Variants in GTF2IRD2B observed in about 807,000 individuals in gnomAD.
The protein encoded by GTF2IRD2B is general transcription factor II-I repeat domain-containing protein 2B.
Under a neutral mutation model 55.6 loss-of-function variants are expected in GTF2IRD2B, and 10 were observed. That is an observed-to-expected ratio of 0.18 (90% CI 0.11 to 0.31). The LOEUF (loss-of-function observed/expected upper bound fraction) is 0.31. Among genes scored for constraint, GTF2IRD2B ranks in the 10% least tolerant of loss-of-function variants. GTF2IRD2B has a pLI of 1.00. For synonymous variants in GTF2IRD2B, 107 were observed against 320.5 expected, an observed-to-expected ratio of 0.33 and a Z score of 7.12; for missense variants, 206 against 802.7, an observed-to-expected ratio of 0.26 and a Z score of 8.98.
intron 8 of GTF2IRD2B, among the ~76,000 whole-genome samples, chr7:75,130,608 G>A (rs1248493335): frequency 7.3e-5 from 11 of 151,556 alleles, no homozygotes; most frequent in Admixed American, 5.9e-4. Context: ...CTTCTGAGTA[G>A]CTGGGATTAC....
chr7:75,123,615 C>T, intron 6 of GTF2IRD2B, 99 bp downstream of exon 6: 1 of 557,816 alleles, frequency 1.8e-6, no homozygotes, highest in East Asian at 3.3e-5. Context: ...ATGGCTCACA[C>T]CTGTAATCCC....
intron 1 of GTF2IRD2B, among the ~76,000 whole-genome samples, chr7:75,107,076 G>T (rs1326209596): frequency 2.6e-5 from 4 of 151,868 alleles, no homozygotes; most frequent in African/African-American, 9.6e-5. Context: ...TCCTTTCTAT[G>T]TGTAAGTGAA....
intron 1 of GTF2IRD2B, among the ~76,000 whole-genome samples, chr7:75,106,035 C>A (rs1807791864): frequency 6.6e-6 from 1 of 152,312 alleles, no homozygotes; most frequent in Non-Finnish European, 1.5e-5. Context: ...AGAAATCAAA[C>A]CACATGATCT....
intron 12 of GTF2IRD2B, among the ~76,000 whole-genome samples, chr7:75,139,699 G>A (rs1808959636): frequency 1.0e-5 from 1 of 99,476 alleles, no homozygotes; most frequent in African/African-American, 5.1e-5. Context: ...AAATATATCT[G>A]GAAAGATACA....
intron 1 of GTF2IRD2B, among the ~76,000 whole-genome samples, chr7:75,096,626 A>G (rs1807387857): frequency 7.8e-6 from 1 of 127,602 alleles, no homozygotes; most frequent in Non-Finnish European, 1.6e-5. Flanking sequence ...GGGTTTCACC[A>G]TGTTGGCCAG....
chr7:75,105,328 A>G (rs1807752890), intron 1 of GTF2IRD2B, among the ~76,000 whole-genome samples: 1 of 152,306 alleles, frequency 6.6e-6, no homozygotes. Context: ...ACATGGTGTA[A>G]CCCCGTCTCC....
chr7:75,106,272 G>A (rs1314753320), intron 1 of GTF2IRD2B, among the ~76,000 whole-genome samples: 24 of 152,380 alleles, frequency 1.6e-4, no homozygotes, highest in African/African-American at 4.3e-4. Flanking sequence ...GCATGGTGGC[G>A]CCTGCCTGTA....
At chr7:75,104,708 G>A (rs1480941504) in intron 1 of GTF2IRD2B, among the ~76,000 whole-genome samples, 13 of 152,388 alleles carry the variant, frequency 8.5e-5, no homozygotes, top group East Asian at 3.8e-4. Flanking sequence ...CGTCTTTGCC[G>A]TTACATATTC....
chr7:75,137,262 T>G (rs1450048179), intron 11 of GTF2IRD2B, among the ~76,000 whole-genome samples: 1 of 150,678 alleles, frequency 6.6e-6, no homozygotes. Context: ...GTATAATGTG[T>G]ATATATAATA....
chr7:75,103,664 A>G (rs1807657252), intron 1 of GTF2IRD2B, among the ~76,000 whole-genome samples: 1 of 151,646 alleles, frequency 6.6e-6, no homozygotes, highest in Non-Finnish European at 1.5e-5. Context: ...AAGCACAGAG[A>G]AGGCCCGTGG....
At chr7:75,105,663 A>T (rs1379656492) in intron 1 of GTF2IRD2B, among the ~76,000 whole-genome samples, 1 of 152,312 alleles carries the variant, frequency 6.6e-6, no homozygotes, top group African/African-American at 2.4e-5. Context: ...GAAAGATGAT[A>T]ACTCTAAGGG....
intron 1 of GTF2IRD2B, among the ~76,000 whole-genome samples, chr7:75,095,648 G>A (rs1309774915): frequency 2.8e-5 from 2 of 71,136 alleles, no homozygotes; most frequent in African/African-American, 9.5e-5. Context: ...TGTTGAAATG[G>A]TGGGATCACA....
intron 1 of GTF2IRD2B, among the ~76,000 whole-genome samples, chr7:75,102,918 C>A (rs587605091): frequency 6.6e-6 from 1 of 151,508 alleles, no homozygotes; most frequent in African/African-American, 2.4e-5. Context: ...AAGATCATGC[C>A]ATTTCACTCC....
chr7:75,119,191 C>CAAAAAAAAAA lies in GTF2IRD2B; in HGVS notation c.239-1669_239-1660dup, dbSNP rs71229657. On this transcript the variant is annotated intron_variant, in intron 3 of 15. Transcript: ENST00000472837. ...CTTAGGCGACAGAGTAAGACTCTCT[C>CAAAAAAAAAA]AAAAAAAAAAAAAAAAAAAAAAAAA... Among the ~76,000 whole-genome samples, 13 of 5,128 alleles carry CAAAAAAAAAA rather than the reference C, an allele frequency of 2.5e-3. 6 individuals are homozygous for CAAAAAAAAAA. Among genetic ancestry groups the CAAAAAAAAAA allele is most frequent in the African/African-American group, 0.016 (11 of 670 alleles). 3.4% of individuals were successfully genotyped at this position (5,128 alleles called of 152,430 possible).
chr7:75,105,627 C>G (rs1422094387), intron 1 of GTF2IRD2B, among the ~76,000 whole-genome samples: 1 of 152,302 alleles, frequency 6.6e-6, no homozygotes, highest in African/African-American at 2.4e-5. Flanking sequence ...TTGCATCCTA[C>G]TGGTTCAGCA....
At chr7:75,093,177 C>T (rs1227491107) in intron 1 of GTF2IRD2B, among the ~76,000 whole-genome samples, 1 of 150,878 alleles carries the variant, frequency 6.6e-6, no homozygotes, top group Non-Finnish European at 1.5e-5. Context: ...CCGGATCCGC[C>T]CCCTGACGTC....
At chr7:75,093,659 G>GT (rs1312841235) in intron 1 of GTF2IRD2B, among the ~76,000 whole-genome samples, 6 of 152,340 alleles carry the variant, frequency 3.9e-5, no homozygotes, top group African/African-American at 2.4e-5. Flanking sequence ...ATCCCAAGAA[G>GT]TTTTTTGTGT....
At chr7:75,129,948 T>C (rs1488208518) in intron 8 of GTF2IRD2B, among the ~76,000 whole-genome samples, 6 of 145,796 alleles carry the variant, frequency 4.1e-5, no homozygotes, top group Non-Finnish European at 9.2e-5. Context: ...AACTTCCTAC[T>C]GTAGACTTTA....
intron 8 of GTF2IRD2B, among the ~76,000 whole-genome samples, chr7:75,132,558 T>C: frequency 8.1e-6 from 1 of 122,880 alleles, no homozygotes; most frequent in African/African-American, 3.6e-5. Context: ...CTTTTTTTTT[T>C]TTTTTTTTTT....
Sources: allele counts gnomAD v4.1 joint callset (sites outside exome capture counted in the v4.1 genomes callset), GRCh38; gene constraint gnomAD v4.1.1; transcripts MANE v1.5; gene names NCBI Gene and HGNC (gene_info 2026-07-23, HGNC 2026-07-21).